Variants in KLHL42 observed in about 807,000 individuals in gnomAD.
The protein encoded by KLHL42 is kelch like family member 42, also known as kelch-like protein 42.
KLHL42 carries 27 observed loss-of-function variants against 32.7 expected under a neutral mutation model. That is an observed-to-expected ratio of 0.83 (90% confidence interval 0.61 to 1.14). The LOEUF (loss-of-function observed/expected upper bound fraction) is 1.14, where lower values mean the gene tolerates loss of function less well. KLHL42 is among the 50% of genes most tolerant of loss of function. The pLI is 0.00. For missense variants in KLHL42, 491 were observed against 560.8 expected, an observed-to-expected ratio of 0.88 and a Z score of 1.26; for synonymous variants, 267 against 248.2, an observed-to-expected ratio of 1.08 and a Z score of -0.71.
chr12:27,801,851 A>G lies in KLHL42; in HGVS notation c.*3685A>G, dbSNP rs2062248841. On this transcript the variant is annotated 3_prime_UTR_variant, in exon 3 of 3. Transcript: ENST00000381271. ...TTACCAGAAATACTGAGTGTCTGTC[A>G]TGTGCAAGACAATGCTAAGAACAGA... The G allele has an allele frequency of 6.6e-6, 1 of 152,244 alleles. No individual in the cohort carries two copies. The highest frequency in any genetic ancestry group is 6.5e-5 in the Admixed American group (1 of 15,282). 9.4% of individuals were successfully genotyped at this position (152,244 alleles called of 1,614,324 possible). A position where few individuals can be genotyped will look rare whatever the true frequency, so the allele number is the denominator to read the frequency against.
intron 1 of KLHL42, among the ~76,000 whole-genome samples, chr12:27,784,227 C>T (rs1373679595): frequency 2.0e-5 from 3 of 150,742 alleles, no homozygotes; most frequent in Non-Finnish European, 4.4e-5. Context: ...CTCCGCCTCC[C>T]AGGTTACGCC....
At chr12:27,786,719 G>GTTA in intron 1 of KLHL42, among the ~76,000 whole-genome samples, 1 of 101,128 alleles carries the variant, frequency 9.9e-6, no homozygotes, top group African/African-American at 3.8e-5. Context: ...GATTGAAAGA[G>GTTA]TTTTTTTTTT....
chr12:27,799,297 A>G lies in KLHL42; in HGVS notation c.*1131A>G, dbSNP rs2062233854. ...TGCCTTGGTTGTTAATTGAAATAGA[A>G]TTCAGCTCAAGCAGTTGTTTTCAGT... On this transcript the variant is annotated 3_prime_UTR_variant, in exon 3 of 3. Coordinates refer to ENST00000381271, the MANE Select transcript of KLHL42 (RefSeq NM_020782.2). The G allele has an allele frequency of 6.6e-6, 1 of 152,234 alleles. No homozygotes were observed. The highest frequency in any genetic ancestry group is 6.5e-5 in the Admixed American group (1 of 15,280). The allele number at this position is 152,234 out of a possible 1,614,324, so 9.4% of individuals were successfully genotyped here. A position where few individuals can be genotyped will look rare whatever the true frequency, so the allele number is the denominator to read the frequency against.
chr12:27,781,645 A>G (rs1043037364), intron 1 of KLHL42, among the ~76,000 whole-genome samples: 3 of 152,208 alleles, frequency 2.0e-5, no homozygotes, highest in Non-Finnish European at 4.4e-5. Flanking sequence ...TGACTGTGAC[A>G]ACAGAGTCTT....
At position 27,780,811 on chromosome 12, in the gene KLHL42, C is replaced by T; in HGVS notation, c.481C>T (p.Leu161=). 6.2e-7 allele frequency: 1 copy of T among 1,613,806 alleles called. No homozygotes were observed. ...RFMVVHFHEV[L]CKPQFHLLGS... is the part of the protein sequence containing the mutation. ...CATGGTCGTCCACTTCCACGAGGTGCTGTGCAAGCCCCAGTTCCACCTCCT... is the reference window on the plus strand; with the variant it reads ...CATGGTCGTCCACTTCCACGAGGTGTTGTGCAAGCCCCAGTTCCACCTCCT... The change falls in exon 1 of 3, where the codon CTG becomes TTG. Residue 161 remains leucine, a synonymous_variant. Transcript: ENST00000381271. The surrounding 1 kb of genome is among the most constrained non-coding windows in gnomAD (Gnocchi z 8.8).
chr12:27,796,853 T>G (rs2062220898), intron 2 of KLHL42, among the ~76,000 whole-genome samples: 1 of 152,016 alleles, frequency 6.6e-6, no homozygotes, highest in Non-Finnish European at 1.5e-5. Context: ...CCCAGGCTGG[T>G]CTCGAACCCC....
At chr12:27,793,885 G>A (rs2062208133) in intron 2 of KLHL42, among the ~76,000 whole-genome samples, 1 of 152,198 alleles carries the variant, frequency 6.6e-6, no homozygotes, top group Admixed American at 6.5e-5. Flanking sequence ...CAAGCCTGAA[G>A]AAGACCCTGT....
At position 27,794,317 on chromosome 12, in the gene KLHL42, T is replaced by C. The variant is rs1021122414; in HGVS notation, c.1066+2416T>C. On this transcript the variant is annotated intron_variant, in intron 2 of 2. Coordinates refer to ENST00000381271, the MANE Select transcript of KLHL42 (RefSeq NM_020782.2). ...TGGTAGCTCGGGGCTCCTTGGCTGG[T>C]GGCTCCATGATGCCCCTGCCTCTGT... Among the ~76,000 whole-genome samples, 277 of 152,318 alleles carry C rather than the reference T, an allele frequency of 1.8e-3. 3 individuals carry two copies. Among genetic ancestry groups the C allele is most frequent in the Non-Finnish European group, 6.6e-4 (45 of 68,020 alleles).
At chr12:27,781,647 CAG>C (rs1454570672) in intron 1 of KLHL42, among the ~76,000 whole-genome samples, 2 of 152,146 alleles carry the variant, frequency 1.3e-5, no homozygotes, top group Non-Finnish European at 2.9e-5. Flanking sequence ...ACTGTGACAA[CAG>C]AGTCTTCCAC....
At position 27,780,583 on chromosome 12, in the gene KLHL42, G is replaced by T; in HGVS notation, c.253G>T (p.Glu85Ter). Reference protein sequence around the residue: ...REGWLLGPRGEKGGGVDEDEE... With the variant: ...REGWLLGPRG Reference sequence around the variant, plus strand: ...AGGCTGGCTCCTGGGCCCGCGCGGGGAAAAGGGCGGCGGGGTGGACGAGGA... The same window carrying T: ...AGGCTGGCTCCTGGGCCCGCGCGGGTAAAAGGGCGGCGGGGTGGACGAGGA... Residue 85 changes from glutamate (E) to a stop codon, truncating the protein, a stop_gained, in exon 1 of 3, where the codon GAA becomes TAA. Coordinates refer to ENST00000381271, the MANE Select transcript of KLHL42 (RefSeq NM_020782.2). LOFTEE classifies it high-confidence loss of function. This position sits in a 1 kb window ranked among gnomAD's most constrained non-coding sequence, Gnocchi z 8.8. The T allele has an allele frequency of 6.5e-7, 1 of 1,541,182 alleles. No individual in the cohort carries two copies. The highest frequency in any genetic ancestry group is 8.7e-7 in the Non-Finnish European group (1 of 1,147,108).
Position 27,780,450 on chromosome 12 carries a change from G to C in KLHL42, c.120G>C (p.Glu40Asp), listed in dbSNP as rs1484709410. The change falls in exon 1 of 3, where the codon GAG (glutamate) becomes GAC (aspartate). Residue 40 changes from glutamate (E) to aspartate (D), a missense_variant. By Grantham distance (45) the Glu-to-Asp change is conservative. This residue lies in a region of KLHL42 where 88 missense variants were observed against 89.0 expected (regional missense o/e 0.99). Transcript: ENST00000381271. The surrounding 1 kb of genome is among the most constrained non-coding windows in gnomAD (Gnocchi z 8.8). ...CCCTCTACCGCTCCGGCATGCGCGA[G>C]GCCCTGAGCCAGGAGGCCGGCGGCC... The part of the protein sequence containing the change: ...FRALYRSGMR[E>D]ALSQEAGGPE... 4.5e-6 allele frequency: 7 copies of C among 1,547,238 alleles called. No homozygotes were observed. Among genetic ancestry groups the C allele is most frequent in the Non-Finnish European group, 6.1e-6 (7 of 1,147,440 alleles).
intron 2 of KLHL42, among the ~76,000 whole-genome samples, chr12:27,792,707 G>C (rs2062202749): frequency 6.6e-6 from 1 of 152,000 alleles, no homozygotes; most frequent in African/African-American, 2.4e-5. Context: ...ATTTTTAGTA[G>C]AGATGGGGTT....
At chr12:27,787,588 T>C (rs1057394674) in intron 1 of KLHL42, 4 of 152,200 alleles carry the variant, frequency 2.6e-5, no homozygotes, top group African/African-American at 9.7e-5. Context: ...GTTGCAGCAG[T>C]TGGTTCATTA....
At chr12:27,794,522 C>G (rs373832365) in intron 2 of KLHL42, among the ~76,000 whole-genome samples, 146 of 152,278 alleles carry the variant, frequency 9.6e-4, no homozygotes, top group African/African-American at 3.4e-3. Flanking sequence ...GATGGAGTCT[C>G]ACTCTATTGC....
chr12:27,794,768 G>T (rs1193095660), intron 2 of KLHL42, among the ~76,000 whole-genome samples: 1 of 151,974 alleles, frequency 6.6e-6, no homozygotes, highest in Non-Finnish European at 1.5e-5. Flanking sequence ...GTATATTTAT[G>T]TATTTAAGGA....
Position 27,791,946 on chromosome 12 carries a change from CA to C in KLHL42, c.1066+46del, listed in dbSNP as rs754590797. 3.8e-6 allele frequency: 6 copies of C among 1,572,146 alleles called. No individual in the cohort carries two copies. In the South Asian group the frequency reaches 5.6e-5, roughly 15 times the overall value. ...AGGTGGTCTGCCCATGTGTAGGCGT[CA>C]GCAGTCTGGGAAGGGCAAGAGGGTG... On this transcript the variant is annotated intron_variant, in intron 2 of 2. Coordinates refer to ENST00000381271, the MANE Select transcript of KLHL42 (RefSeq NM_020782.2).
rs1243235996 is a variant in KLHL42 at position 27,800,784 on chromosome 12, A to G, written c.*2618A>G. On this transcript the variant is annotated 3_prime_UTR_variant, in exon 3 of 3. Transcript: ENST00000381271. ...CTTTACTCTTTGATAGTATCCCTCT[A>G]TTTTCTTCCCAATTCTCTAAATGCT... The G allele has an allele frequency of 1.3e-5, 2 of 151,382 alleles. No individual in the cohort carries two copies. Among genetic ancestry groups the G allele is most frequent in the South Asian group, 2.1e-4 (1 of 4,796 alleles). The allele number at this position is 151,382 out of a possible 1,614,324, so 9.4% of individuals were successfully genotyped here.
intron 1 of KLHL42, among the ~76,000 whole-genome samples, chr12:27,786,726 T>TTTG (rs1459118474): frequency 6.9e-6 from 1 of 145,522 alleles, no homozygotes; most frequent in African/African-American, 2.6e-5. Flanking sequence ...AGAGTTTTTT[T>TTTG]TTTTTTTTTT....
In KLHL42 at chr12:27,800,334, TTG is replaced by T. The variant is rs148307268; in HGVS notation, c.*2181_*2182del. The T allele has an allele frequency of 1.2e-5, 10 of 831,434 alleles. No homozygotes were observed. In the Admixed American group the frequency reaches 4.1e-4, roughly 34 times the overall value. 51.5% of individuals were successfully genotyped at this position (831,434 alleles called of 1,614,324 possible). ...GCTCTTTTATAAACCAGGTTTGAGG[TTG>T]TGTGTGTGTGTGGGGGTGTGTGTGT... On this transcript the variant is annotated 3_prime_UTR_variant, in exon 3 of 3. Transcript: ENST00000381271.
Sources: allele counts gnomAD v4.1 joint callset (sites outside exome capture counted in the v4.1 genomes callset), GRCh38; gene constraint gnomAD v4.1.1; regional missense constraint gnomAD v4.1.1; non-coding constraint Gnocchi (gnomAD v3.1); transcripts MANE v1.5; gene names NCBI Gene and HGNC (gene_info 2026-07-23, HGNC 2026-07-21).